The following PDCD1LG2 variants were observed in gnomAD, a reference collection of about 807,000 sequenced individuals.
The protein encoded by PDCD1LG2 is B7 dendritic cell molecule.
PDCD1LG2 carries 32 observed loss-of-function variants against 28.2 expected under a neutral mutation model. The observed-to-expected ratio is 1.13, with a 90% CI of 0.86 to 1.52. PDCD1LG2 has a LOEUF of 1.52. PDCD1LG2 is among the 40% of genes most tolerant of loss of function. PDCD1LG2 has a pLI of 0.00. For synonymous variants in PDCD1LG2, 116 were observed against 120.2 expected (o/e 0.97, Z 0.23); for missense variants, 385 against 323.8 (o/e 1.19, Z -1.45).
chr9:5,520,124 C>T (rs2129713294), intron 1 of PDCD1LG2, among the ~76,000 whole-genome samples: 1 of 151,972 alleles, frequency 6.6e-6, no homozygotes, highest in East Asian at 1.9e-4. Context: ...CCCGAATAGC[C>T]CCCTAAAAAA....
chr9:5,543,538 C>CAAAAAA (rs139524609), intron 3 of PDCD1LG2, among the ~76,000 whole-genome samples: 1 of 73,684 alleles, frequency 1.4e-5, no homozygotes, highest in Non-Finnish European at 2.8e-5. Flanking sequence ...GACTCCGTCT[C>CAAAAAA]AAAAAAAAAA....
chr9:5,540,860 C>G (rs1452553958), intron 3 of PDCD1LG2, among the ~76,000 whole-genome samples: 3 of 152,256 alleles, frequency 2.0e-5, no homozygotes, highest in Middle Eastern at 6.8e-3. Context: ...CTAAATCATT[C>G]TATGAAGCCA....
At chr9:5,534,724 A>G in intron 2 of PDCD1LG2, 21 bp from the exon 3 acceptor site, 1 of 1,569,678 alleles carries the variant, frequency 6.4e-7, no homozygotes, top group Non-Finnish European at 8.7e-7. Context: ...ACAATGACAA[A>G]ATATCTTGTT....
intron 6 of PDCD1LG2, among the ~76,000 whole-genome samples, chr9:5,566,954 G>A (rs575467659): frequency 7.2e-5 from 11 of 152,268 alleles, no homozygotes; most frequent in Non-Finnish European, 1.5e-4. Flanking sequence ...GAAAATGCCT[G>A]TAATCATGTT....
chr9:5,556,856 C>G (rs1277595989), intron 4 of PDCD1LG2, among the ~76,000 whole-genome samples: 1 of 152,188 alleles, frequency 6.6e-6, no homozygotes, highest in African/African-American at 2.4e-5. Context: ...AGCCCTTGTT[C>G]TAATCTGTAC....
At position 5,557,623 on chromosome 9, in the gene PDCD1LG2, A is replaced by T. The variant is rs1280833120; in HGVS notation, c.637A>T (p.Met213Leu). 2 of 1,613,824 alleles carry T rather than the reference A, an allele frequency of 1.2e-6. No homozygotes were observed. The highest frequency in any genetic ancestry group is 1.7e-6 in the Non-Finnish European group (2 of 1,179,902). ...GGTGCTTTTCCTTTGCCCAGGTCAG[A>T]TGGAACCCAGGACCCATCCAACTTG... ...TLASIDLQSQ[M>L]EPRTHPTWLL... The change falls in exon 5 of 7, where the codon ATG (methionine) becomes TTG (leucine). Residue 213 changes from methionine to leucine, a missense_variant. Coordinates refer to ENST00000397747, the MANE Select transcript of PDCD1LG2 (RefSeq NM_025239.4).
At chr9:5,532,653 G>A (rs1416723099) in intron 2 of PDCD1LG2, among the ~76,000 whole-genome samples, 1 of 152,132 alleles carries the variant, frequency 6.6e-6, no homozygotes, top group Non-Finnish European at 1.5e-5. Context: ...TCTGCAGTGG[G>A]AATCATTCAA....
At chr9:5,530,817 G>A (rs981714118) in intron 2 of PDCD1LG2, among the ~76,000 whole-genome samples, 1 of 152,218 alleles carries the variant, frequency 6.6e-6, no homozygotes, top group Admixed American at 6.5e-5. Context: ...GCAGACCAGT[G>A]TTATAACTCT....
chr9:5,549,401 G>T lies in PDCD1LG2; in HGVS notation c.428G>T (p.Cys143Phe), dbSNP rs1195609834. 6.2e-7 allele frequency: 1 copy of T among 1,614,038 alleles called. No homozygotes were observed. The highest frequency in any genetic ancestry group is 1.3e-5 in the African/African-American group (1 of 74,922). ...VPETDEVELTCQATGYPLAEV... is the reference protein window; with the variant it reads ...VPETDEVELTFQATGYPLAEV... ...GAAACAGATGAGGTAGAGCTCACCTGCCAGGCTACAGGTTATCCTCTGGCA... is the reference window on the plus strand; with the variant it reads ...GAAACAGATGAGGTAGAGCTCACCTTCCAGGCTACAGGTTATCCTCTGGCA... Residue 143 changes from cysteine (C) to phenylalanine (F), a missense_variant, in exon 4 of 7, where the codon TGC becomes TTC. Cys to Phe is a radical substitution (Grantham distance 205). Transcript: ENST00000397747.
In PDCD1LG2 at chr9:5,522,621, G is replaced by A. The variant is rs371447291; in HGVS notation, c.55+20G>A. The A allele has an allele frequency of 3.1e-6, 5 of 1,611,084 alleles. No individual in the cohort carries two copies. In the South Asian group the frequency reaches 3.3e-5, roughly 11 times the overall value. ...TAGCAGGTAAGAAAGGACAAAGGGA[G>A]AGGCTTAAGAAAGAAGAGCAGGTGG... On this transcript the variant is annotated intron_variant, in intron 2 of 6. Transcript: ENST00000397747.
At chr9:5,554,861 C>T (rs1816405918) in intron 4 of PDCD1LG2, among the ~76,000 whole-genome samples, 1 of 152,152 alleles carries the variant, frequency 6.6e-6, no homozygotes, top group Non-Finnish European at 1.5e-5. Context: ...GCTTTGAGAA[C>T]CTAAATATCC....
chr9:5,539,142 A>G (rs1416585385), intron 3 of PDCD1LG2, among the ~76,000 whole-genome samples: 2 of 152,224 alleles, frequency 1.3e-5, no homozygotes, highest in East Asian at 3.8e-4. Flanking sequence ...AAAAAAATTC[A>G]TAAGATGCTG....
At chr9:5,525,857 G>GCC (rs1820366062) in intron 2 of PDCD1LG2, among the ~76,000 whole-genome samples, 1 of 151,948 alleles carries the variant, frequency 6.6e-6, no homozygotes, top group Admixed American at 6.6e-5. Context: ...GACCAGCCTG[G>GCC]CCCGCATGGT....
intron 4 of PDCD1LG2, among the ~76,000 whole-genome samples, chr9:5,550,124 T>C (rs1342655495): frequency 2.0e-5 from 3 of 152,244 alleles, no homozygotes; most frequent in African/African-American, 7.2e-5. Context: ...CTGTGATTCA[T>C]GCACAGTGTC....
chr9:5,558,025 T>A (rs1220184556), intron 5 of PDCD1LG2, among the ~76,000 whole-genome samples: 1 of 152,226 alleles, frequency 6.6e-6, no homozygotes, highest in Non-Finnish European at 1.5e-5. Flanking sequence ...AGAGCTTTCA[T>A]CAGCCTCATG....
chr9:5,533,178 A>G (rs1486389347), intron 2 of PDCD1LG2, among the ~76,000 whole-genome samples: 1 of 152,254 alleles, frequency 6.6e-6, no homozygotes. Flanking sequence ...ACATAATTTG[A>G]TCTAATCTTC....
rs1202210086 is a variant in PDCD1LG2, at chr9:5,510,571, T to C, written c.-247T>C. The C allele has an allele frequency of 6.6e-6, 1 of 152,652 alleles. No homozygotes were observed. Among genetic ancestry groups the C allele is most frequent in the Admixed American group, 6.5e-5 (1 of 15,282 alleles). The allele number at this position is 152,652 out of a possible 1,614,324, so 9.5% of individuals were successfully genotyped here. A position where few individuals can be genotyped will look rare whatever the true frequency, so the allele number is the denominator to read the frequency against. ...CAAACCTTAAGCTGAATGAACAACT[T>C]TTCTTCTCTTGAATATATCTTAACG... On this transcript the variant is annotated 5_prime_UTR_variant, in exon 1 of 7. Transcript: ENST00000397747.
At chr9:5,553,175 G>C (rs1289927246) in intron 4 of PDCD1LG2, among the ~76,000 whole-genome samples, 2 of 152,088 alleles carry the variant, frequency 1.3e-5, no homozygotes, top group African/African-American at 4.8e-5. Context: ...AAAGAAACTA[G>C]AAATCCATCA....
chr9:5,528,058 G>A (rs1271366849), intron 2 of PDCD1LG2, among the ~76,000 whole-genome samples: 2 of 151,704 alleles, frequency 1.3e-5, no homozygotes, highest in Non-Finnish European at 2.9e-5. Flanking sequence ...TTGAACTCCT[G>A]ACCTCAGGTG....
Sources: allele counts gnomAD v4.1 joint callset (sites outside exome capture counted in the v4.1 genomes callset), GRCh38; gene constraint gnomAD v4.1.1; transcripts MANE v1.5; gene names NCBI Gene and HGNC (gene_info 2026-07-23, HGNC 2026-07-21).